FNTB: variants seen among roughly 807,000 people sequenced by gnomAD.
The protein encoded by FNTB is protein farnesyltransferase subunit beta.
FNTB carries 27 observed loss-of-function variants against 59.4 expected under a neutral mutation model. The ratio of observed to expected loss-of-function variants is 0.45; its 90% CI spans 0.34 to 0.63. The LOEUF is 0.63. Among genes scored for constraint, FNTB ranks in the 20% least tolerant of loss-of-function variants. FNTB has a pLI of 0.02. For synonymous variants in FNTB, 230 were observed against 220.7 expected (o/e 1.04, Z -0.37); for missense variants, 449 against 559.6 (o/e 0.80, Z 1.99).
Position 65,053,299 on chromosome 14 carries a change from C to T in FNTB, c.1017C>T (p.Ile339=), listed in dbSNP as rs1394247370. 1 of 1,463,478 alleles carries T rather than the reference C, an allele frequency of 6.8e-7. No homozygotes were observed. The highest frequency in any genetic ancestry group is 9.1e-7 in the Non-Finnish European group (1 of 1,100,214). The allele number at this position is 1,463,478 out of a possible 1,614,324, so 90.7% of individuals were successfully genotyped here. ...ATCAGCAGGCCCTGCAGGAGTACAT[C>T]CTGATGTGCTGCCAGTGCCCTGCGG... ...MFHQQALQEY[I]LMCCQCPAGG... is the part of the protein sequence containing the mutation. Residue 339 remains isoleucine (I), a synonymous_variant, in exon 10 of 12, where the codon ATC becomes ATT. Coordinates refer to ENST00000246166, the MANE Select transcript of FNTB (RefSeq NM_002028.4).
At chr14:65,060,665 C>T (rs1249603495) in intron 11 of FNTB, among the ~76,000 whole-genome samples, 8 of 92,570 alleles carry the variant, frequency 8.6e-5, no homozygotes, top group East Asian at 3.4e-4. Context: ...CACTGCACTC[C>T]AGCCTGGGCG....
Position 65,027,888 on chromosome 14 carries a change from C to A in FNTB, c.605+107C>A. On this transcript the variant is annotated intron_variant, in intron 6 of 11. Coordinates refer to ENST00000246166, the MANE Select transcript of FNTB (RefSeq NM_002028.4). This position sits in a 1 kb window ranked among gnomAD's most constrained non-coding sequence, Gnocchi z 5.7. ...TCATGGGGAAGCTGCTGCTTTGTCCCAGAATGACACATGGGATGACATGTC... is the reference window on the plus strand; with the variant it reads ...TCATGGGGAAGCTGCTGCTTTGTCCAAGAATGACACATGGGATGACATGTC... 1.4e-6 allele frequency: 2 copies of A among 1,401,882 alleles called. No homozygotes were observed. Among genetic ancestry groups the A allele is most frequent in the South Asian group, 1.2e-5 (1 of 80,568 alleles). The allele number at this position is 1,401,882 out of a possible 1,614,324, so 86.8% of individuals were successfully genotyped here. A position where few individuals can be genotyped will look rare whatever the true frequency, so the allele number is the denominator to read the frequency against.
At chr14:65,006,156 CT>C (rs367570902) in intron 2 of FNTB, 179,199 of 1,373,144 alleles carry the variant, frequency 0.13, 1 homozygote, top group Middle Eastern at 0.2. Context: ...ACCTTTGTGT[CT>C]TTTTTTTTTT....
At chr14:65,050,865 CT>C (rs2062591105) in intron 9 of FNTB, among the ~76,000 whole-genome samples, 1 of 152,170 alleles carries the variant, frequency 6.6e-6, no homozygotes, top group Non-Finnish European at 1.5e-5. Flanking sequence ...AGAAAATAAT[CT>C]TAAGCATACA....
chr14:65,046,852 G>GCCT (rs71444682), intron 9 of FNTB, among the ~76,000 whole-genome samples: 1 of 151,476 alleles, frequency 6.6e-6, no homozygotes, highest in Non-Finnish European at 1.5e-5. Flanking sequence ...GGTGATGTTT[G>GCCT]CTTCTGTTTG....
At chr14:64,999,600 A>G (rs1273327636) in intron 1 of FNTB, among the ~76,000 whole-genome samples, 1 of 152,232 alleles carries the variant, frequency 6.6e-6, no homozygotes, top group Non-Finnish European at 1.5e-5. Flanking sequence ...TGATTTGTGC[A>G]GTTTAAATGA....
Position 64,994,292 on chromosome 14 carries a change from G to C in FNTB, c.144+7195G>C, listed in dbSNP as rs530821586. On this transcript the variant is annotated intron_variant, in intron 1 of 11. Coordinates refer to ENST00000246166, the MANE Select transcript of FNTB (RefSeq NM_002028.4). The surrounding 1 kb of genome is among the most constrained non-coding windows in gnomAD (Gnocchi z 4.2). ...CCTAAGTGTTGGGGACCCTAGTACAGTTACTTGATCCCTGGCCCCTAGAGT... is the reference window on the plus strand; with the variant it reads ...CCTAAGTGTTGGGGACCCTAGTACACTTACTTGATCCCTGGCCCCTAGAGT... 3.3e-5 allele frequency among the ~76,000 whole-genome samples: 5 copies of C among 152,288 alleles called. No individual in the cohort carries two copies. Among genetic ancestry groups the C allele is most frequent in the South Asian group, 4.1e-4 (2 of 4,830 alleles).
At position 65,031,979 on chromosome 14, in the gene FNTB, C is replaced by CGTGTGTGTGTGTGTGTGT. The variant is rs563468928; in HGVS notation, c.606-608_606-591dup. On this transcript the variant is annotated intron_variant, in intron 6 of 11. Transcript: ENST00000246166. The surrounding 1 kb of genome is among the most constrained non-coding windows in gnomAD (Gnocchi z 4.6). Reference sequence around the variant, plus strand: ...ATAGACGTGCGCCTTTTTCATTTAACGTGTGTGTGTGTGTGTGTGTGTGTG... The same window carrying CGTGTGTGTGTGTGTGTGT: ...ATAGACGTGCGCCTTTTTCATTTAACGTGTGTGTGTGTGTGTGTGTGTGTGTGTGTGTGTGTGTGTGTG... 8.7e-4 allele frequency among the ~76,000 whole-genome samples: 123 copies of CGTGTGTGTGTGTGTGTGT among 141,280 alleles called. 1 individual carries two copies. The highest frequency in any genetic ancestry group is 3.0e-3 in the African/African-American group (113 of 37,882). The allele number at this position is 141,280 out of a possible 152,430, so 92.7% of individuals were successfully genotyped here.
At chr14:64,993,100 A>G (rs1369348512) in intron 1 of FNTB, among the ~76,000 whole-genome samples, 1 of 152,146 alleles carries the variant, frequency 6.6e-6, no homozygotes, top group African/African-American at 2.4e-5. Flanking sequence ...AAGTACAGGC[A>G]TGAGCCACCG....
chr14:65,026,022 A>G (rs772517147), intron 4 of FNTB, among the ~76,000 whole-genome samples: 1 of 152,212 alleles, frequency 6.6e-6, no homozygotes, highest in Non-Finnish European at 1.5e-5. Context: ...AAAGCAATTA[A>G]ATGTGATGTT....
chr14:65,032,524 A>G lies in FNTB; in HGVS notation c.606-86A>G. 6.8e-7 allele frequency: 1 copy of G among 1,466,848 alleles called. No individual in the cohort carries two copies. Among genetic ancestry groups the G allele is most frequent in the Non-Finnish European group, 9.2e-7 (1 of 1,084,120 alleles). The allele number at this position is 1,466,848 out of a possible 1,614,324, so 90.9% of individuals were successfully genotyped here. A position where few individuals can be genotyped will look rare whatever the true frequency, so the allele number is the denominator to read the frequency against. ...AGGAGGTGATTACAGCTTACTAGGC[A>G]AGGCGAGCAGTCCGCCCGCGGAGTT... On this transcript the variant is annotated intron_variant, in intron 6 of 11. Transcript: ENST00000246166. The surrounding 1 kb of genome is among the most constrained non-coding windows in gnomAD (Gnocchi z 5.0).
chr14:65,043,827 T>TA (rs2062409650), intron 8 of FNTB, among the ~76,000 whole-genome samples: 1 of 20,724 alleles, frequency 4.8e-5, no homozygotes, highest in Non-Finnish European at 7.5e-5. Context: ...AGACTCCGTC[T>TA]CAAAAAAAAA....
chr14:64,998,946 G>A (rs1017057092), intron 1 of FNTB, among the ~76,000 whole-genome samples: 7 of 150,110 alleles, frequency 4.7e-5, no homozygotes, highest in African/African-American at 1.7e-4. Flanking sequence ...ACTGCTAAAC[G>A]AAATGTGATA....
At position 65,019,869 on chromosome 14, in the gene FNTB, A is replaced by G. The variant is rs3783717; in HGVS notation, c.374+4153A>G. Among the ~76,000 whole-genome samples the G allele has an allele frequency of 6.5e-3, 984 of 152,358 alleles. 16 individuals carry two copies. Among genetic ancestry groups the G allele is most frequent in the South Asian group, 0.044 (210 of 4,826 alleles). On this transcript the variant is annotated intron_variant, in intron 4 of 11. Coordinates refer to ENST00000246166, the MANE Select transcript of FNTB (RefSeq NM_002028.4). ...ATACAGATAAATCTTAAGGACTTCT[A>G]TATAAATAGAAGATTTTTTTTAGAC...
intron 11 of FNTB, among the ~76,000 whole-genome samples, chr14:65,057,399 A>C (rs2062760402): frequency 6.6e-6 from 1 of 152,028 alleles, no homozygotes; most frequent in Non-Finnish European, 1.5e-5. Flanking sequence ...AGTCTGGGAG[A>C]TAGAGTGAGA....
chr14:65,035,052 C>T (rs1261735486), intron 7 of FNTB, among the ~76,000 whole-genome samples: 1 of 152,244 alleles, frequency 6.6e-6, no homozygotes, highest in Admixed American at 6.5e-5. Flanking sequence ...TATGTGGAAA[C>T]TTGAACTGAG....
At chr14:65,052,632 A>G (rs1390475602) in intron 9 of FNTB, among the ~76,000 whole-genome samples, 2 of 152,214 alleles carry the variant, frequency 1.3e-5, no homozygotes, top group Non-Finnish European at 2.9e-5. Context: ...TAGTAGTATT[A>G]CCAGAATACC....
intron 11 of FNTB, among the ~76,000 whole-genome samples, 171 bp from the exon 12 acceptor site, chr14:65,061,010 C>T (rs561118290): frequency 4.6e-5 from 7 of 151,912 alleles, no homozygotes; most frequent in African/African-American, 1.7e-4. Flanking sequence ...AACCTGTGTC[C>T]CATGTACTAG....
intron 8 of FNTB, among the ~76,000 whole-genome samples, chr14:65,043,798 C>A (rs568628391): frequency 8.0e-6 from 1 of 125,562 alleles, no homozygotes; most frequent in East Asian, 2.4e-4. Flanking sequence ...GTCCGCAGTC[C>A]GGCCTGGGCG....
Sources: allele counts gnomAD v4.1 joint callset (sites outside exome capture counted in the v4.1 genomes callset), GRCh38; gene constraint gnomAD v4.1.1; non-coding constraint Gnocchi (gnomAD v3.1); transcripts MANE v1.5; gene names NCBI Gene and HGNC (gene_info 2026-07-23, HGNC 2026-07-21).